PPP2R3A: variants seen among roughly 807,000 people sequenced by gnomAD.
PPP2R3A encodes serine/threonine-protein phosphatase 2A regulatory subunit B'' subunit alpha.
In PPP2R3A, 80 loss-of-function variants were observed where a neutral mutation model predicts 106.9. That is an observed-to-expected ratio of 0.75 (90% CI 0.62 to 0.90). The LOEUF (loss-of-function observed/expected upper bound fraction) is 0.90. Among genes scored for constraint, PPP2R3A ranks in the 40% least tolerant of loss-of-function variants. The pLI, the probability that PPP2R3A is intolerant of heterozygous loss-of-function variation, is 0.00. For missense variants in PPP2R3A, 1,386 were observed against 1,350.4 expected, an observed-to-expected ratio of 1.03 and a Z score of -0.41; for synonymous variants, 483 against 468.3, an observed-to-expected ratio of 1.03 and a Z score of -0.41.
At chr3:136,126,832 T>A (rs1295480155) in intron 13 of PPP2R3A, among the ~76,000 whole-genome samples, 1 of 152,198 alleles carries the variant, frequency 6.6e-6, no homozygotes, top group Non-Finnish European at 1.5e-5. Flanking sequence ...CTGTAATATT[T>A]GCTGTTCTGC....
intron 13 of PPP2R3A, among the ~76,000 whole-genome samples, chr3:136,137,533 G>GTTTTTTTTTTTTTT (rs1559941176): frequency 3.6e-4 from 14 of 38,408 alleles, no homozygotes; most frequent in East Asian, 1.4e-3. Context: ...CTCTGTCAGA[G>GTTTTTTTTTTTTTT]ATTTTTTTTT....
chr3:136,106,089 A>T, intron 12 of PPP2R3A, 127 bp from the exon 13 acceptor site: 2 of 777,596 alleles, frequency 2.6e-6, no homozygotes, highest in African/African-American at 1.8e-5. Flanking sequence ...CACCTCTTTT[A>T]AACCTGTTGA....
intron 1 of PPP2R3A, among the ~76,000 whole-genome samples, chr3:135,979,233 G>A (rs1228431252): frequency 6.6e-6 from 1 of 151,574 alleles, no homozygotes; most frequent in East Asian, 1.9e-4. Flanking sequence ...ACGAAAATTA[G>A]CCGGGTGTGA....
Position 136,080,433 on chromosome 3 carries a change from G to A in PPP2R3A, c.2632-1832G>A, listed in dbSNP as rs1194508913. On this transcript the variant is annotated intron_variant, in intron 7 of 13. Coordinates refer to ENST00000264977, the MANE Select transcript of PPP2R3A (RefSeq NM_002718.5). Reference sequence around the variant, plus strand: ...TTTTTAATTTGGTGGATTCTGCCAAGTTACCCTCCAAAAAGCCTGCACTAC... The same window carrying A: ...TTTTTAATTTGGTGGATTCTGCCAAATTACCCTCCAAAAAGCCTGCACTAC... Among the ~76,000 whole-genome samples, 4 of 152,274 alleles carry A rather than the reference G, an allele frequency of 2.6e-5. No homozygotes were observed. In the East Asian group the frequency reaches 5.8e-4, roughly 22 times the overall value.
At chr3:136,130,633 T>A (rs1020499405) in intron 13 of PPP2R3A, among the ~76,000 whole-genome samples, 8 of 152,178 alleles carry the variant, frequency 5.3e-5, no homozygotes, top group African/African-American at 1.9e-4. Flanking sequence ...TACCAATGAC[T>A]TTCTTCACAA....
At chr3:136,090,286 A>G (rs1330936098) in intron 9 of PPP2R3A, among the ~76,000 whole-genome samples, 1 of 152,134 alleles carries the variant, frequency 6.6e-6, no homozygotes, top group Non-Finnish European at 1.5e-5. Context: ...GATGCCTAAC[A>G]TGAGTATTAA....
At chr3:136,088,263 TCAG>T (rs1471998807) in intron 9 of PPP2R3A, among the ~76,000 whole-genome samples, 6 of 152,104 alleles carry the variant, frequency 3.9e-5, no homozygotes, top group Non-Finnish European at 7.4e-5. Flanking sequence ...CCTACCCACT[TCAG>T]CAGTCCCCAG....
chr3:136,111,993 G>A (rs1210748257), intron 13 of PPP2R3A, among the ~76,000 whole-genome samples: 1 of 152,108 alleles, frequency 6.6e-6, no homozygotes, highest in East Asian at 1.9e-4. Flanking sequence ...TTCAACATAT[G>A]CAAACCAATA....
chr3:136,104,478 G>GTATT (rs1292510826), intron 12 of PPP2R3A, among the ~76,000 whole-genome samples: 2 of 151,976 alleles, frequency 1.3e-5, no homozygotes, highest in Non-Finnish European at 2.9e-5. Flanking sequence ...AGCTAATTTT[G>GTATT]TATTTTTTGT....
In PPP2R3A at chr3:136,117,136, T is replaced by C. The variant is rs545721217; in HGVS notation, c.3329+10814T>C. ...ACTAAACAACCTTCTCCTGAATGAC[T>C]ACTGGGTAAATAACGAAATGAAGGC... On this transcript the variant is annotated intron_variant, in intron 13 of 13. Transcript: ENST00000264977. Among the ~76,000 whole-genome samples, 53 of 152,308 alleles carry C rather than the reference T, an allele frequency of 3.5e-4. 1 individual carries two copies. Among genetic ancestry groups the C allele is most frequent in the Non-Finnish European group, 5.6e-4 (38 of 68,012 alleles).
chr3:135,972,609 C>T (rs550825891), intron 1 of PPP2R3A, among the ~76,000 whole-genome samples: 2 of 152,160 alleles, frequency 1.3e-5, no homozygotes, highest in Non-Finnish European at 2.9e-5. Flanking sequence ...CTAGTTTCTC[C>T]ACCTCCTCGC....
chr3:136,051,351 C>T (rs537080870), intron 5 of PPP2R3A, among the ~76,000 whole-genome samples: 8 of 152,134 alleles, frequency 5.3e-5, no homozygotes, highest in African/African-American at 1.4e-4. Context: ...TTTTTGGAGA[C>T]GGAGTCTCGC....
At chr3:136,118,545 C>T (rs576047339) in intron 13 of PPP2R3A, among the ~76,000 whole-genome samples, 1 of 152,338 alleles carries the variant, frequency 6.6e-6, no homozygotes, top group African/African-American at 2.4e-5. Context: ...GATACAAAAT[C>T]AGTGTGCAGA....
Position 136,049,339 on chromosome 3 carries a change from A to G in PPP2R3A, c.2447A>G (p.Glu816Gly). ...AKPNCSSLEQ[E>G]DFIPLLQDVV... ...CCCAACTGCAGCTCTCTAGAACAGGAGGATTTCATCCCTCTACTTCAGGTA... is the reference window on the plus strand; with the variant it reads ...CCCAACTGCAGCTCTCTAGAACAGGGGGATTTCATCCCTCTACTTCAGGTA... The change falls in exon 5 of 14, where the codon GAG (glutamate) becomes GGG (glycine). Residue 816 changes from glutamate (E) to glycine (G), a missense_variant. Glu to Gly is a moderately conservative substitution (Grantham distance 98). Transcript: ENST00000264977. 1 of 1,612,468 alleles carries G rather than the reference A, an allele frequency of 6.2e-7. No individual in the cohort carries two copies. Among genetic ancestry groups the G allele is most frequent in the Admixed American group, 1.7e-5 (1 of 59,884 alleles).
intron 13 of PPP2R3A, among the ~76,000 whole-genome samples, chr3:136,129,265 C>G (rs1341035028): frequency 6.7e-6 from 1 of 149,728 alleles, no homozygotes; most frequent in East Asian, 1.9e-4. Context: ...AAAATTGATA[C>G]ACCTCTACCA....
At chr3:136,105,237 G>C (rs1281033397) in intron 12 of PPP2R3A, among the ~76,000 whole-genome samples, 1 of 152,210 alleles carries the variant, frequency 6.6e-6, no homozygotes, top group Non-Finnish European at 1.5e-5. Context: ...GTACATTTCA[G>C]GCGGGCCTGT....
intron 2 of PPP2R3A, chr3:136,022,812 A>G: frequency 1.5e-5 from 19 of 1,238,974 alleles, no homozygotes; most frequent in Non-Finnish European, 1.9e-5. Flanking sequence ...CAACAGGCCC[A>G]CTGCAGGCTG....
At position 136,147,771 on chromosome 3, in the gene PPP2R3A, T is replaced by G. The variant is rs892652683; in HGVS notation, c.*2605T>G. 2.0e-5 allele frequency: 3 copies of G among 152,220 alleles called. No homozygotes were observed. Among genetic ancestry groups the G allele is most frequent in the Non-Finnish European group, 4.4e-5 (3 of 68,040 alleles). The allele number at this position is 152,220 out of a possible 1,614,324, so 9.4% of individuals were successfully genotyped here. ...CACTGTGTACCATTCAAAGTGTTTA[T>G]AAAACTCTAGATTCATCAAATGAGA... is the stretch of plus-strand genomic sequence containing the variant. On this transcript the variant is annotated 3_prime_UTR_variant, in exon 14 of 14. Transcript: ENST00000264977.
chr3:136,026,964 C>T lies in PPP2R3A; in HGVS notation c.2128C>T (p.Pro710Ser). 6.2e-7 allele frequency: 1 copy of T among 1,613,728 alleles called. No homozygotes were observed. The highest frequency in any genetic ancestry group is 8.5e-7 in the Non-Finnish European group (1 of 1,179,682). ...VVNAPLSINI[P>S]RFYFPEGLPD... ...GAATGCGCCATTGTCCATAAACATT[C>T]CACGGTTCTACTTTCCTGAAGGACT... The change falls in exon 3 of 14, where the codon CCA (proline) becomes TCA (serine). Residue 710 changes from proline to serine, a missense_variant. By Grantham distance (74) the Pro-to-Ser change is moderately conservative (BLOSUM62 -1). Coordinates refer to ENST00000264977, the MANE Select transcript of PPP2R3A (RefSeq NM_002718.5).
Sources: gnomAD v4.1 joint callset for allele counts (sites outside exome capture counted in the v4.1 genomes callset) on GRCh38, gnomAD v4.1.1 for gene constraint, MANE v1.5 for transcripts, NCBI Gene and HGNC (gene_info 2026-07-23, HGNC 2026-07-21) for gene names.